Variants in KLHL24 observed in about 807,000 individuals in gnomAD.
KLHL24 encodes the protein kelch-like protein 24.
KLHL24 carries 29 observed loss-of-function variants against 53.4 expected under a neutral mutation model. The observed-to-expected ratio is 0.54, with a 90% CI of 0.40 to 0.74. KLHL24 has a LOEUF of 0.74. Among genes scored for constraint, KLHL24 ranks in the 30% least tolerant of loss-of-function variants. The pLI, the probability that KLHL24 is intolerant of heterozygous loss-of-function variation, is 0.00. For missense variants in KLHL24, 504 were observed against 744.0 expected (o/e 0.68, Z 3.75); for synonymous variants, 222 against 253.7 (o/e 0.88, Z 1.19).
rs1712677005 is a variant in KLHL24 at position 183,681,542 on chromosome 3, G to C, written c.*2256G>C. Reference sequence around the variant, plus strand: ...GAAAAACAGAATTTTTTTAAACACAGACCTCACACCAATATTAATTTTTTC... The same window carrying C: ...GAAAAACAGAATTTTTTTAAACACACACCTCACACCAATATTAATTTTTTC... On this transcript the variant is annotated 3_prime_UTR_variant, in exon 8 of 8. Coordinates refer to ENST00000242810, the MANE Select transcript of KLHL24 (RefSeq NM_017644.3). 1 of 151,290 alleles carries C rather than the reference G, an allele frequency of 6.6e-6. No individual in the cohort carries two copies. Among genetic ancestry groups the C allele is most frequent in the African/African-American group, 2.4e-5 (1 of 41,178 alleles). The allele number at this position is 151,290 out of a possible 1,614,324, so 9.4% of individuals were successfully genotyped here. A position where few individuals can be genotyped will look rare whatever the true frequency, so the allele number is the denominator to read the frequency against.
rs1484111982 is a variant in KLHL24 at position 183,682,863 on chromosome 3, A to G, written c.*3577A>G. ...CCCATATATGAAAAGAGAGGAGTTG[A>G]ATTGTGTGTGCCTTTTATGTCTTGA... On this transcript the variant is annotated 3_prime_UTR_variant, in exon 8 of 8. Transcript: ENST00000242810. 1 of 152,118 alleles carries G rather than the reference A, an allele frequency of 6.6e-6. No individual in the cohort carries two copies. The highest frequency in any genetic ancestry group is 2.4e-5 in the African/African-American group (1 of 41,222). The allele number at this position is 152,118 out of a possible 1,614,324, so 9.4% of individuals were successfully genotyped here.
At chr3:183,659,886 A>G (rs1430110514) in intron 3 of KLHL24, among the ~76,000 whole-genome samples, 1 of 152,208 alleles carries the variant, frequency 6.6e-6, no homozygotes, top group Non-Finnish European at 1.5e-5. Flanking sequence ...CATAGCAGAA[A>G]TGTGATGACT....
chr3:183,670,932 G>T, intron 5 of KLHL24, 102 bp from the exon 6 acceptor site: 1 of 775,302 alleles, frequency 1.3e-6, no homozygotes, highest in Non-Finnish European at 2.1e-6. Flanking sequence ...TATTTATTTA[G>T]CAAGGGCATT....
chr3:183,663,728 A>G lies in KLHL24; in HGVS notation c.1105+86A>G. 2 of 688,162 alleles carry G rather than the reference A, an allele frequency of 2.9e-6. No individual in the cohort carries two copies. Among genetic ancestry groups the G allele is most frequent in the Non-Finnish European group, 4.5e-6 (2 of 446,404 alleles). 42.6% of individuals were successfully genotyped at this position (688,162 alleles called of 1,614,324 possible). ...CATCAACAGTGTCTTAAAATAGTGA[A>G]ATGTGAATACTCCCACTTGAGGAAG... On this transcript the variant is annotated intron_variant, in intron 4 of 7. Transcript: ENST00000242810. This position sits in a 1 kb window ranked among gnomAD's most constrained non-coding sequence, Gnocchi z 4.9.
At chr3:183,644,073 GCT>G (rs1157421841) in intron 2 of KLHL24, 1 of 89,358 alleles carries the variant, frequency 1.1e-5, no homozygotes, top group Non-Finnish European at 2.0e-5. Flanking sequence ...ACGGAGTCTT[GCT>G]CTGTTTCCAG....
At position 183,684,012 on chromosome 3, in the gene KLHL24, A is replaced by G. The variant is rs765613897; in HGVS notation, c.*4726A>G. ...TAGGTGCTTTTTAAAATATTCAGAC[A>G]AATATCTATCTTACATTGATTAAAC... is the stretch of plus-strand genomic sequence containing the variant. On this transcript the variant is annotated 3_prime_UTR_variant, in exon 8 of 8. Coordinates refer to ENST00000242810, the MANE Select transcript of KLHL24 (RefSeq NM_017644.3). 6.6e-6 allele frequency: 1 copy of G among 152,606 alleles called. No individual in the cohort carries two copies. The highest frequency in any genetic ancestry group is 1.5e-5 in the Non-Finnish European group (1 of 68,018). 9.5% of individuals were successfully genotyped at this position (152,606 alleles called of 1,614,324 possible).
intron 7 of KLHL24, among the ~76,000 whole-genome samples, chr3:183,674,412 G>T (rs1576982846): frequency 1.3e-5 from 2 of 150,570 alleles, no homozygotes; most frequent in African/African-American, 4.9e-5. Context: ...CCAGGCTGAA[G>T]TGCAATGGCG....
At chr3:183,636,938 G>A (rs1405351416) in intron 1 of KLHL24, among the ~76,000 whole-genome samples, 1 of 152,166 alleles carries the variant, frequency 6.6e-6, no homozygotes, top group Non-Finnish European at 1.5e-5. Flanking sequence ...ATCGGCTACC[G>A]TGGCCTGCCC....
chr3:183,675,669 A>G (rs1451313109), intron 7 of KLHL24, among the ~76,000 whole-genome samples: 1 of 152,144 alleles, frequency 6.6e-6, no homozygotes, highest in African/African-American at 2.4e-5. Flanking sequence ...GCAGTGGCTC[A>G]TGCATATAAT....
At chr3:183,651,386 T>A in intron 3 of KLHL24, 110 bp downstream of exon 3, 1 of 711,236 alleles carries the variant, frequency 1.4e-6, no homozygotes, top group Non-Finnish European at 2.3e-6. Flanking sequence ...CCTGTGGCTG[T>A]ATATAATTTT....
rs752194202 is a variant in KLHL24 at position 183,679,096 on chromosome 3, G to T, written c.1613G>T (p.Gly538Val). The T allele has an allele frequency of 3.1e-6, 5 of 1,612,412 alleles. No individual in the cohort carries two copies. Among genetic ancestry groups the T allele is most frequent in the Non-Finnish European group, 3.4e-6 (4 of 1,178,644 alleles). The change falls in exon 8 of 8, where the codon GGT becomes GTT. Residue 538 changes from glycine (G) to valine (V), a missense_variant. Physicochemically the swap from Gly to Val is moderately radical, Grantham distance 109. Transcript: ENST00000242810. Reference sequence around the variant, plus strand: ...TATTTGGTTAAACAGGAAAACTGTGGTATGTCTGTGTGTAATGGTAAAATA... The same window carrying T: ...TATTTGGTTAAACAGGAAAACTGTGTTATGTCTGTGTGTAATGGTAAAATA... ...QNTFSRQENCGMSVCNGKIYI... is the reference protein window; with the variant it reads ...QNTFSRQENCVMSVCNGKIYI...
At chr3:183,678,154 GT>G (rs1335192711) in intron 7 of KLHL24, among the ~76,000 whole-genome samples, 2 of 152,166 alleles carry the variant, frequency 1.3e-5, no homozygotes, top group Admixed American at 6.5e-5. Context: ...TATAGTAACT[GT>G]GTTATTGACA....
At chr3:183,644,772 TTAGA>T (rs1360013621) in intron 2 of KLHL24, among the ~76,000 whole-genome samples, 2 of 152,234 alleles carry the variant, frequency 1.3e-5, no homozygotes, top group African/African-American at 4.8e-5. Context: ...CTAATAAATA[TTAGA>T]TAGAATAAAA....
At chr3:183,652,902 T>G (rs1176812643) in intron 3 of KLHL24, among the ~76,000 whole-genome samples, 1 of 152,130 alleles carries the variant, frequency 6.6e-6, no homozygotes, top group Non-Finnish European at 1.5e-5. Flanking sequence ...AGCCTGCATA[T>G]CTCATAGGAT....
intron 7 of KLHL24, among the ~76,000 whole-genome samples, chr3:183,674,511 C>A (rs1711525357): frequency 6.6e-6 from 1 of 152,036 alleles, no homozygotes; most frequent in Non-Finnish European, 1.5e-5. Context: ...CAGGCGCCCA[C>A]CACCAAGCCC....
intron 5 of KLHL24, among the ~76,000 whole-genome samples, chr3:183,666,098 G>A (rs1364256368): frequency 6.6e-6 from 1 of 152,042 alleles, no homozygotes; most frequent in East Asian, 1.9e-4. Context: ...GGCCAGGCTG[G>A]TCTCCAACTC....
At chr3:183,673,039 CAA>C (rs1202235149) in intron 7 of KLHL24, 1 of 150,550 alleles carries the variant, frequency 6.6e-6, no homozygotes, top group East Asian at 1.9e-4. Context: ...TAAAATAAAA[CAA>C]AATAAAATAA....
At chr3:183,665,145 G>A (rs1720349673) in intron 5 of KLHL24, 106 bp downstream of exon 5, 1 of 657,240 alleles carries the variant, frequency 1.5e-6, no homozygotes, top group Non-Finnish European at 2.8e-6. Flanking sequence ...GATTCAAATT[G>A]TATTTCCTTC....
At chr3:183,636,473 G>A (rs1405791633) in intron 1 of KLHL24, 3 of 152,292 alleles carry the variant, frequency 2.0e-5, no homozygotes, top group Non-Finnish European at 4.4e-5. Context: ...GGGGAGCCGG[G>A]GCGGGCGGGG....
Sources: gnomAD v4.1 joint callset for allele counts (sites outside exome capture counted in the v4.1 genomes callset) on GRCh38, gnomAD v4.1.1 for gene constraint, Gnocchi (gnomAD v3.1) non-coding constraint, MANE v1.5 for transcripts, NCBI Gene and HGNC (gene_info 2026-07-23, HGNC 2026-07-21) for gene names.